Variants in FRMD4A observed in about 807,000 individuals in gnomAD.
FRMD4A encodes FERM domain-containing protein 4A.
In FRMD4A, 29 loss-of-function variants were observed where a neutral mutation model predicts 129.1. The ratio of observed to expected loss-of-function variants is 0.22; its 90% CI spans 0.17 to 0.31. The LOEUF is 0.31. Among genes scored for constraint, FRMD4A ranks in the 10% least tolerant of loss-of-function variants. The pLI, the probability that FRMD4A is intolerant of heterozygous loss-of-function variation, is 1.00. For missense variants in FRMD4A, 1,272 were observed against 1,375.8 expected (o/e 0.92, Z 1.19); for synonymous variants, 634 against 571.6 (o/e 1.11, Z -1.56).
intron 2 of FRMD4A, among the ~76,000 whole-genome samples, chr10:14,056,353 G>T (rs1161237663): frequency 6.6e-6 from 1 of 151,874 alleles, no homozygotes; most frequent in East Asian, 1.9e-4. Context: ...TTATAACTAT[G>T]TTTTTGTGTT....
At chr10:14,150,275 G>T (rs1454161235) in intron 2 of FRMD4A, among the ~76,000 whole-genome samples, 1 of 152,136 alleles carries the variant, frequency 6.6e-6, no homozygotes, top group African/African-American at 2.4e-5. Flanking sequence ...AGACAAAAGA[G>T]CTTGGACAGA....
chr10:13,836,218 G>A (rs576408083), intron 3 of FRMD4A, among the ~76,000 whole-genome samples: 1 of 152,304 alleles, frequency 6.6e-6, no homozygotes, highest in African/African-American at 2.4e-5. Flanking sequence ...GGCTGGTCTT[G>A]AACTCCTGAC....
chr10:13,771,375 C>T (rs1046007736), intron 6 of FRMD4A, among the ~76,000 whole-genome samples: 4 of 152,178 alleles, frequency 2.6e-5, no homozygotes, highest in Non-Finnish European at 5.9e-5. Flanking sequence ...GCCTGGCCAG[C>T]AGAGGCTCCC....
rs1401432052 is a variant in FRMD4A, at chr10:13,656,827, C to G, written c.2762G>C (p.Arg921Pro). The change falls in exon 22 of 25, where the codon CGT becomes CCT. Residue 921 changes from arginine (R) to proline (P), a missense_variant. Transcript: ENST00000357447. ...REGAHDKGAG[R>P]AAVSDELRQW... ...GCGCAGCTCGTCTGAGACGGCGGCA[C>G]GGCCCGCGCCCTTGTCGTGGGCGCC... 2.6e-6 allele frequency: 4 copies of G among 1,552,124 alleles called. No homozygotes were observed. The highest frequency in any genetic ancestry group is 2.4e-5 in the South Asian group (2 of 83,576).
At chr10:13,959,471 T>TAAAAAAAAAAAA (rs56192445) in intron 2 of FRMD4A, among the ~76,000 whole-genome samples, 3 of 53,122 alleles carry the variant, frequency 5.6e-5, no homozygotes, top group African/African-American at 2.3e-4. Context: ...GACTGTTTCA[T>TAAAAAAAAAAAA]AAAAAAAAAA....
intron 2 of FRMD4A, among the ~76,000 whole-genome samples, chr10:14,046,369 A>C (rs1482749508): frequency 6.6e-6 from 1 of 152,146 alleles, no homozygotes; most frequent in Non-Finnish European, 1.5e-5. Flanking sequence ...TTAATGTAAT[A>C]AAAGGAGCCA....
chr10:13,915,401 G>A lies in FRMD4A; in HGVS notation c.46-56489C>T, dbSNP rs572149987. Among the ~76,000 whole-genome samples the A allele has an allele frequency of 1.1e-4, 17 of 152,112 alleles. No homozygotes were observed. In the South Asian group the frequency reaches 2.1e-3, roughly 19 times the overall value. On this transcript the variant is annotated intron_variant, in intron 2 of 24. Transcript: ENST00000357447. ...GGGGCTTAAAAGTGAGGCTGGGCTC[G>A]GTGGCTCACGCCTGTAATCCCAGCA...
At chr10:13,669,057 GTTTTTTT>G (rs56706198) in intron 17 of FRMD4A, among the ~76,000 whole-genome samples, 2,907 of 97,494 alleles carry the variant, frequency 0.03, 103 homozygotes, top group African/African-American at 0.11. Context: ...CTGAGCTTTA[GTTTTTTT>G]TTTTTTTTTT....
intron 16 of FRMD4A, among the ~76,000 whole-genome samples, chr10:13,674,521 C>T (rs915349131): frequency 6.6e-6 from 1 of 152,160 alleles, no homozygotes; most frequent in Non-Finnish European, 1.5e-5. Context: ...GAAAACAAAA[C>T]AAGGCTTTCC....
rs74817883 is a variant in FRMD4A, at chr10:13,825,454, G to A, written c.112-14546C>T. ...CAGTATTAGATTCTCCCGGGAACCC[G>A]AACCCTACTGTGAACTGTGCATGCG... is the stretch of plus-strand genomic sequence containing the variant. On this transcript the variant is annotated intron_variant, in intron 3 of 24. Transcript: ENST00000357447. Among the ~76,000 whole-genome samples the A allele has an allele frequency of 2.9e-3, 437 of 152,280 alleles. 1 individual carries two copies. The highest frequency in any genetic ancestry group is 0.01 in the African/African-American group (419 of 41,554).
chr10:14,269,636 C>A lies in FRMD4A; in HGVS notation c.45+60422G>T, dbSNP rs1455083484. Among the ~76,000 whole-genome samples the A allele has an allele frequency of 3.3e-5, 5 of 152,278 alleles. No homozygotes were observed. In the South Asian group the frequency reaches 1.0e-3, roughly 32 times the overall value. Reference sequence around the variant, plus strand: ...AGGGATGCCATGCAATTAAGGGATGCATTGCCATGATTAGACCGGGTCCAC... The same window carrying A: ...AGGGATGCCATGCAATTAAGGGATGAATTGCCATGATTAGACCGGGTCCAC... On this transcript the variant is annotated intron_variant, in intron 2 of 24. Transcript: ENST00000357447.
intron 2 of FRMD4A, among the ~76,000 whole-genome samples, chr10:14,101,438 A>G (rs768624339): frequency 6.6e-6 from 1 of 152,204 alleles, no homozygotes; most frequent in Non-Finnish European, 1.5e-5. Flanking sequence ...GAGACCCTAG[A>G]TACTCACCAT....
intron 15 of FRMD4A, chr10:13,692,452 C>G (rs1215111147): frequency 6.6e-6 from 1 of 152,096 alleles, no homozygotes; most frequent in Non-Finnish European, 1.5e-5. Context: ...TGGCCTTTAG[C>G]GGTTCTACTG....
chr10:13,722,946 C>T (rs1354721204), intron 12 of FRMD4A, among the ~76,000 whole-genome samples: 1 of 151,756 alleles, frequency 6.6e-6, no homozygotes, highest in East Asian at 1.9e-4. Flanking sequence ...TTAGCTAGCT[C>T]ACCATGCTAG....
intron 2 of FRMD4A, among the ~76,000 whole-genome samples, chr10:14,263,882 C>A (rs555324459): frequency 6.6e-6 from 1 of 152,256 alleles, no homozygotes; most frequent in East Asian, 1.9e-4. Flanking sequence ...CAGAGGAAGG[C>A]ATTTGGGGTA....
At chr10:14,187,745 G>A (rs1040959753) in intron 2 of FRMD4A, among the ~76,000 whole-genome samples, 1 of 152,156 alleles carries the variant, frequency 6.6e-6, no homozygotes, top group African/African-American at 2.4e-5. Flanking sequence ...CTGTCACAGA[G>A]AAGGAACTCA....
At chr10:13,820,945 G>A (rs1167812062) in intron 3 of FRMD4A, among the ~76,000 whole-genome samples, 1 of 152,232 alleles carries the variant, frequency 6.6e-6, no homozygotes, top group Non-Finnish European at 1.5e-5. Context: ...GGAGGGGCCG[G>A]GGTTAGCTTT....
chr10:13,707,813 T>A, intron 12 of FRMD4A: 3 of 985,338 alleles, frequency 3.0e-6, no homozygotes, highest in Non-Finnish European at 3.6e-6. Context: ...AGTCTCTCCC[T>A]CAAGCTTGGC....
chr10:14,237,432 G>A (rs1843866323), intron 2 of FRMD4A, among the ~76,000 whole-genome samples: 1 of 152,146 alleles, frequency 6.6e-6, no homozygotes, highest in African/African-American at 2.4e-5. Flanking sequence ...CCAGGTTCAA[G>A]TGATTCTCCT....
Sources: gnomAD v4.1 joint callset for allele counts (sites outside exome capture counted in the v4.1 genomes callset) on GRCh38, gnomAD v4.1.1 for gene constraint, MANE v1.5 for transcripts, NCBI Gene and HGNC (gene_info 2026-07-23, HGNC 2026-07-21) for gene names.